FREM3: variants seen among roughly 807,000 people sequenced by gnomAD.
FREM3 encodes the protein FRAS1 related extracellular matrix 3.
FREM3 carries 105 observed loss-of-function variants against 129.1 expected under a neutral mutation model. The observed-to-expected ratio is 0.81, with a 90% CI of 0.69 to 0.96. FREM3 has a LOEUF of 0.96. Among genes scored for constraint, FREM3 ranks in the 40% least tolerant of loss-of-function variants. The probability of loss-of-function intolerance (pLI) is 0.00; values close to 1 mark genes in which losing one functional copy is unlikely to be tolerated. For missense variants in FREM3, 2,593 were observed against 2,666.3 expected (o/e 0.97, Z 0.61); for synonymous variants, 1,014 against 1,044.9 (o/e 0.97, Z 0.57).
rs560182113 is a variant in FREM3 at position 143,698,986 on chromosome 4, G to A, written c.1690C>T (p.Pro564Ser). The change falls in exon 1 of 8, where the codon CCC becomes TCC. Residue 564 changes from proline to serine, a missense_variant. By Grantham distance (74) the Pro-to-Ser change is moderately conservative. This residue lies in a region of FREM3 where 2,276 missense variants were observed against 2,267.2 expected (regional missense o/e 1.00). Transcript: ENST00000329798. The stretch of plus-strand genomic sequence containing the variant: ...ATATCAGTAGCACTCAGTACAAAGG[G>A]AGAGATCTGGACCACCTGCCCTTCA... ...LTEGQVVQIS[P>S]FVLSATDIDS... is the part of the protein sequence containing the mutation. The A allele has an allele frequency of 6.7e-4, 1,037 of 1,537,306 alleles. 2 individuals are homozygous for A. The highest frequency in any genetic ancestry group is 7.9e-4 in the Non-Finnish European group (908 of 1,146,920).
chr4:143,599,114 G>GT (rs1386082982), intron 6 of FREM3, among the ~76,000 whole-genome samples: 1 of 152,156 alleles, frequency 6.6e-6, no homozygotes, highest in Non-Finnish European at 1.5e-5. Flanking sequence ...GAAGAAAAGT[G>GT]TAGGAGGGTC....
intron 4 of FREM3, among the ~76,000 whole-genome samples, chr4:143,622,519 C>T (rs1738969787): frequency 6.6e-6 from 1 of 150,874 alleles, no homozygotes; most frequent in African/African-American, 2.4e-5. Context: ...TTCCTGCCTA[C>T]ATTAGCTTCA....
chr4:143,628,948 T>C (rs1739093222), intron 2 of FREM3, among the ~76,000 whole-genome samples: 1 of 152,020 alleles, frequency 6.6e-6, no homozygotes, highest in Admixed American at 6.6e-5. Context: ...AAAGCAGGTA[T>C]ATGGACTAGA....
chr4:143,640,544 C>T (rs1238807180), intron 2 of FREM3, among the ~76,000 whole-genome samples: 1 of 152,166 alleles, frequency 6.6e-6, no homozygotes, highest in East Asian at 1.9e-4. Flanking sequence ...GTGACACATG[C>T]CTGTAATCCC....
chr4:143,596,309 G>A (rs924717288), intron 6 of FREM3, among the ~76,000 whole-genome samples: 2 of 152,198 alleles, frequency 1.3e-5, no homozygotes, highest in African/African-American at 4.8e-5. Context: ...CATTAGAAAG[G>A]TATTGCAATT....
intron 2 of FREM3, among the ~76,000 whole-genome samples, chr4:143,687,629 C>A (rs906704785): frequency 6.6e-6 from 1 of 152,106 alleles, no homozygotes; most frequent in Non-Finnish European, 1.5e-5. Context: ...TACTAGCTAA[C>A]CAAATCCAAC....
At chr4:143,614,570 A>ATCTTTGTG (rs964245042) in intron 5 of FREM3, among the ~76,000 whole-genome samples, 20 of 152,306 alleles carry the variant, frequency 1.3e-4, no homozygotes, top group African/African-American at 4.3e-4. Flanking sequence ...AGAGCATAGC[A>ATCTTTGTG]TCTTTGTGAG....
chr4:143,651,973 G>T (rs1739519053), intron 2 of FREM3, among the ~76,000 whole-genome samples: 1 of 152,102 alleles, frequency 6.6e-6, no homozygotes, highest in South Asian at 2.1e-4. Flanking sequence ...TAGTTCAAAA[G>T]ATTTTTCTGT....
chr4:143,578,539 A>G (rs1738079545), intron 7 of FREM3, among the ~76,000 whole-genome samples: 1 of 152,230 alleles, frequency 6.6e-6, no homozygotes, highest in South Asian at 2.1e-4. Flanking sequence ...TTGCAAAGGA[A>G]AAAAGGGAAT....
At chr4:143,579,120 T>G (rs1278360749) in intron 7 of FREM3, among the ~76,000 whole-genome samples, 1 of 150,004 alleles carries the variant, frequency 6.7e-6, no homozygotes, top group Non-Finnish European at 1.5e-5. Context: ...TTGAGATTAC[T>G]CCAAAAAATT....
rs147134004 is a variant in FREM3 at position 143,593,031 on chromosome 4, C to T, written c.6029-7038G>A. Among the ~76,000 whole-genome samples the T allele has an allele frequency of 2.7e-3, 413 of 152,310 alleles. 4 individuals carry two copies. Among genetic ancestry groups the T allele is most frequent in the African/African-American group, 8.7e-3 (362 of 41,552 alleles). ...TACCCTTTCTTCCAGTTGATCGCAT[C>T]GGTTACTGAGGCTTGTGCATTCATC... is the stretch of plus-strand genomic sequence containing the variant. On this transcript the variant is annotated intron_variant, in intron 6 of 7. Coordinates refer to ENST00000329798, the MANE Select transcript of FREM3 (RefSeq NM_001168235.2).
chr4:143,609,940 CCTAT>C (rs1262596928), intron 6 of FREM3, among the ~76,000 whole-genome samples: 1 of 152,150 alleles, frequency 6.6e-6, no homozygotes, highest in African/African-American at 2.4e-5. Context: ...GACACTTCCT[CCTAT>C]CTCTTTGGTT....
intron 6 of FREM3, among the ~76,000 whole-genome samples, chr4:143,600,621 T>A (rs1344646105): frequency 1.3e-5 from 2 of 152,176 alleles, no homozygotes; most frequent in Non-Finnish European, 2.9e-5. Context: ...AGTAAAATAA[T>A]CCTAGGTCTA....
chr4:143,696,371 G>A lies in FREM3; in HGVS notation c.4305C>T (p.Thr1435=). Residue 1435 remains threonine (T), a synonymous_variant, in exon 1 of 8, where the codon ACC becomes ACT. Coordinates refer to ENST00000329798, the MANE Select transcript of FREM3 (RefSeq NM_001168235.2). ...GGGTCACTCTGGCACCTTCTATCAA[G>A]GTGATCCTTTTGCTGATTACCTCAG... ...VFPEVISKRI[T]LIEGARVTLT... 3.9e-6 allele frequency: 6 copies of A among 1,537,424 alleles called. No homozygotes were observed. Among genetic ancestry groups the A allele is most frequent in the Non-Finnish European group, 5.2e-6 (6 of 1,146,968 alleles).
chr4:143,607,934 A>AG (rs1174907715), intron 6 of FREM3, among the ~76,000 whole-genome samples: 5 of 152,132 alleles, frequency 3.3e-5, no homozygotes, highest in Non-Finnish European at 5.9e-5. Flanking sequence ...TGCCTTTTCT[A>AG]GCTTCTAAAG....
At position 143,658,187 on chromosome 4, in the gene FREM3, A is replaced by T. The variant is rs1578854317; in HGVS notation, c.5276-30427T>A. On this transcript the variant is annotated intron_variant, in intron 2 of 7. Transcript: ENST00000329798. ...ACATTTGTGTCCCCTTCAAATTCAG[A>T]TGTTACTATTCCAACCCCAAACGAG... Among the ~76,000 whole-genome samples the T allele has an allele frequency of 5.3e-5, 8 of 152,196 alleles. No individual in the cohort carries two copies. The South Asian group carries it at 1.7e-3, about 32-fold the overall frequency.
intron 5 of FREM3, among the ~76,000 whole-genome samples, chr4:143,615,013 T>C (rs1234574578): frequency 6.6e-6 from 1 of 152,206 alleles, no homozygotes. Flanking sequence ...TAATAACTTA[T>C]TTACAAAAGA....
chr4:143,593,290 C>A (rs1738400488), intron 6 of FREM3, among the ~76,000 whole-genome samples: 1 of 152,178 alleles, frequency 6.6e-6, no homozygotes, highest in Non-Finnish European at 1.5e-5. Context: ...AGCTGCGTTC[C>A]TTTGGAGGAG....
intron 2 of FREM3, among the ~76,000 whole-genome samples, chr4:143,633,807 G>A (rs1739183480): frequency 6.6e-6 from 1 of 152,134 alleles, no homozygotes; most frequent in African/African-American, 2.4e-5. Flanking sequence ...CCGTACATCA[G>A]GCACAATCCT....
Sources: gnomAD v4.1 joint callset for allele counts (sites outside exome capture counted in the v4.1 genomes callset) on GRCh38, gnomAD v4.1.1 for gene constraint, gnomAD v4.1.1 regional missense constraint, MANE v1.5 for transcripts, NCBI Gene and HGNC (gene_info 2026-07-23, HGNC 2026-07-21) for gene names.